The following UHRF2 variants were observed in gnomAD, a reference collection of about 807,000 sequenced individuals.
The protein encoded by UHRF2 is ubiquitin like with PHD and ring finger domains 2, also known as E3 ubiquitin-protein ligase UHRF2.
A neutral mutation model predicts 96.8 loss-of-function variants in UHRF2; 23 were observed. The ratio of observed to expected loss-of-function variants is 0.24; its 90% CI spans 0.17 to 0.34. The LOEUF is 0.34. Ranked by LOEUF, UHRF2 falls within the 10% of genes least tolerant of loss-of-function variation. The pLI is 1.00. For missense variants in UHRF2, 685 were observed against 981.5 expected, an observed-to-expected ratio of 0.70 and a Z score of 4.04; for synonymous variants, 385 against 332.6, an observed-to-expected ratio of 1.16 and a Z score of -1.72.
Position 6,430,093 on chromosome 9 carries a change from C to G in UHRF2, c.385-3821C>G, listed in dbSNP as rs1210718069. 3.9e-5 allele frequency among the ~76,000 whole-genome samples: 6 copies of G among 152,248 alleles called. No individual in the cohort carries two copies. The East Asian group carries it at 9.6e-4, about 24-fold the overall frequency. ...TGGCACAATATTGGCCCATTACAACCTCCACCTCCTGGGTTCAAGTGATTG... is the reference window on the plus strand; with the variant it reads ...TGGCACAATATTGGCCCATTACAACGTCCACCTCCTGGGTTCAAGTGATTG... On this transcript the variant is annotated intron_variant, in intron 2 of 15. Transcript: ENST00000276893.
chr9:6,420,304 T>C (rs1309363401), intron 1 of UHRF2, among the ~76,000 whole-genome samples: 1 of 151,826 alleles, frequency 6.6e-6, no homozygotes, highest in East Asian at 2.0e-4. Flanking sequence ...ATCTGCTCTT[T>C]TCGGCCTCCC....
At chr9:6,481,887 CTTAAA>C in intron 7 of UHRF2, 100 bp from the exon 8 acceptor site, 1 of 1,535,288 alleles carries the variant, frequency 6.5e-7, no homozygotes, top group Non-Finnish European at 8.8e-7. Flanking sequence ...ATCAATGGTA[CTTAAA>C]TTACATAAAC....
intron 4 of UHRF2, among the ~76,000 whole-genome samples, chr9:6,465,388 C>G (rs556990623): frequency 6.6e-6 from 1 of 152,160 alleles, no homozygotes; most frequent in Admixed American, 6.5e-5. Context: ...GTGTCCTTGT[C>G]TTGAATGTTT....
intron 4 of UHRF2, among the ~76,000 whole-genome samples, chr9:6,461,972 G>C (rs910411213): frequency 6.6e-6 from 1 of 150,380 alleles, no homozygotes; most frequent in African/African-American, 2.4e-5. Context: ...GAGGGTTTTA[G>C]AATAACCCTG....
chr9:6,442,085 C>T (rs988597401), intron 3 of UHRF2, among the ~76,000 whole-genome samples: 2 of 152,162 alleles, frequency 1.3e-5, no homozygotes, highest in Non-Finnish European at 2.9e-5. Flanking sequence ...ATGCCTTAGC[C>T]TGTCGAGTAG....
chr9:6,417,165 C>T (rs1398644080), intron 1 of UHRF2, among the ~76,000 whole-genome samples: 1 of 152,158 alleles, frequency 6.6e-6, no homozygotes, highest in Non-Finnish European at 1.5e-5. Flanking sequence ...GCCCTCTCAG[C>T]CACTTCCACT....
intron 3 of UHRF2, among the ~76,000 whole-genome samples, chr9:6,441,545 T>C (rs1347166046): frequency 1.3e-5 from 2 of 152,194 alleles, no homozygotes; most frequent in Non-Finnish European, 2.9e-5. Context: ...GAACAAATCA[T>C]TGATAAATTC....
intron 4 of UHRF2, among the ~76,000 whole-genome samples, chr9:6,473,512 C>T (rs1212277121): frequency 6.6e-6 from 1 of 152,182 alleles, no homozygotes; most frequent in East Asian, 1.9e-4. Flanking sequence ...TTAATGTAGG[C>T]ATTGAGCATT....
At chr9:6,505,769 C>T (rs1029031541) in intron 15 of UHRF2, among the ~76,000 whole-genome samples, 1 of 152,194 alleles carries the variant, frequency 6.6e-6, no homozygotes, top group African/African-American at 2.4e-5. Context: ...CATATGTAAT[C>T]TCTAACTCCA....
At chr9:6,488,016 G>A (rs1205565103) in intron 9 of UHRF2, among the ~76,000 whole-genome samples, 1 of 151,888 alleles carries the variant, frequency 6.6e-6, no homozygotes. Context: ...TGAAGTGGGT[G>A]AATCTCTTGA....
rs563999663 is a variant in UHRF2 at position 6,413,776 on chromosome 9, CCGCGAGG to C, written c.153+138_153+144del. The C allele has an allele frequency of 1.9e-5, 22 of 1,178,158 alleles. 1 individual carries two copies. The East Asian group carries it at 3.6e-4, about 19-fold the overall frequency. The allele number at this position is 1,178,158 out of a possible 1,614,324, so 73.0% of individuals were successfully genotyped here. ...TGGCTCCGCTGCGGGTGGGCAGCCC[CCGCGAGG>C]CGCGGGGTGCGGGGCCCAGTCCCGC... On this transcript the variant is annotated intron_variant, in intron 1 of 15. Transcript: ENST00000276893.
At chr9:6,501,895 G>A (rs1049630058) in intron 14 of UHRF2, among the ~76,000 whole-genome samples, 2 of 152,190 alleles carry the variant, frequency 1.3e-5, no homozygotes, top group Non-Finnish European at 2.9e-5. Flanking sequence ...AGGTGGGAGA[G>A]AAGCAATTAC....
chr9:6,444,828 C>A (rs146804791), intron 3 of UHRF2, among the ~76,000 whole-genome samples: 1 of 152,188 alleles, frequency 6.6e-6, no homozygotes, highest in Non-Finnish European at 1.5e-5. Context: ...GTCTTGAACC[C>A]TGACCTTAGG....
chr9:6,504,525 T>G (rs1002413177), intron 14 of UHRF2, 68 bp from the exon 15 acceptor site: 1 of 999,830 alleles, frequency 1.0e-6, no homozygotes, highest in Non-Finnish European at 1.5e-6. Context: ...AAATACACAG[T>G]AGATGAATTT....
intron 3 of UHRF2, among the ~76,000 whole-genome samples, chr9:6,451,543 C>A (rs1337800418): frequency 1.3e-5 from 2 of 151,106 alleles, no homozygotes; most frequent in African/African-American, 4.9e-5. Context: ...GTGGCGCGAT[C>A]TCGGCTCACT....
chr9:6,472,429 G>A (rs183126084), intron 4 of UHRF2, among the ~76,000 whole-genome samples: 4 of 152,292 alleles, frequency 2.6e-5, no homozygotes, highest in Admixed American at 2.6e-4. Context: ...GGAGAGCCAA[G>A]GATTTTAAGT....
intron 3 of UHRF2, among the ~76,000 whole-genome samples, chr9:6,456,230 A>C (rs375835): frequency 6.6e-6 from 1 of 151,936 alleles, no homozygotes; most frequent in South Asian, 2.1e-4. Flanking sequence ...TCGCCATTCT[A>C]ACTGGCGTGA....
chr9:6,434,382 A>G (rs1820714828), intron 3 of UHRF2: 1 of 543,146 alleles, frequency 1.8e-6, no homozygotes, highest in Non-Finnish European at 3.1e-6. Flanking sequence ...TTTATTTTTT[A>G]GTATCACAAT....
At chr9:6,442,652 AT>A (rs35764668) in intron 3 of UHRF2, among the ~76,000 whole-genome samples, 107,412 of 144,006 alleles carry the variant, frequency 0.75, 40,663 homozygotes, top group South Asian at 0.84. Context: ...TTAATTTTTG[AT>A]TTTTTTTTTT....
Sources: allele counts gnomAD v4.1 joint callset (sites outside exome capture counted in the v4.1 genomes callset), GRCh38; gene constraint gnomAD v4.1.1; transcripts MANE v1.5; gene names NCBI Gene and HGNC (gene_info 2026-07-23, HGNC 2026-07-21).